The following CYP2R1 variants were observed in gnomAD, a reference collection of about 807,000 sequenced individuals.
CYP2R1 encodes the protein vitamin D 25-hydroxylase.
In CYP2R1, 40 loss-of-function variants were observed where a neutral mutation model predicts 45.7. The ratio of observed to expected loss-of-function variants is 0.87; its 90% confidence interval spans 0.68 to 1.14. The LOEUF is 1.14. Among genes scored for constraint, CYP2R1 ranks in the 50% most tolerant of loss-of-function variants. The pLI is 0.00. For synonymous variants in CYP2R1, 234 were observed against 219.3 expected, an observed-to-expected ratio of 1.07 and a Z score of -0.59; for missense variants, 605 against 602.6, an observed-to-expected ratio of 1.00 and a Z score of -0.04.
intron 1 of CYP2R1, chr11:14,891,716 A>C: frequency 1.6e-6 from 2 of 1,243,240 alleles, no homozygotes; most frequent in Non-Finnish European, 1.0e-6. Context: ...CTCGAGCGGT[A>C]GCGGGAAAAT....
chr11:14,891,796 G>A, intron 1 of CYP2R1, 185 bp downstream of exon 1: 6 of 1,410,324 alleles, frequency 4.3e-6, no homozygotes, highest in Non-Finnish European at 4.6e-6. Flanking sequence ...CCCCTGCAAG[G>A]GGGCACGGCG....
intron 2 of CYP2R1, among the ~76,000 whole-genome samples, chr11:14,884,960 G>A (rs1555013894): frequency 6.6e-6 from 1 of 151,642 alleles, no homozygotes; most frequent in Non-Finnish European, 1.5e-5. Flanking sequence ...TTATACTCTG[G>A]CCTGAGAATT....
intron 1 of CYP2R1, chr11:14,887,147 G>A (rs1269493806): frequency 6.6e-6 from 1 of 152,234 alleles, no homozygotes; most frequent in Non-Finnish European, 1.5e-5. Flanking sequence ...TCGCAGAAGG[G>A]AACTTTAGCA....
chr11:14,892,244 A>G (rs1555017521), upstream of CYP2R1: 7 of 1,578,900 alleles, frequency 4.4e-6, no homozygotes, highest in Middle Eastern at 2.3e-4. Flanking sequence ...AGCAGCCCTG[A>G]GACCCAGGCA....
At chr11:14,883,265 G>A (rs1176279619) in intron 2 of CYP2R1, among the ~76,000 whole-genome samples, 21 of 151,706 alleles carry the variant, frequency 1.4e-4, no homozygotes, top group African/African-American at 2.2e-4. Flanking sequence ...GAGGCATCAC[G>A]CTACCTGACT....
At position 14,878,143 on chromosome 11, in the gene CYP2R1, G is replaced by T; in HGVS notation, c.1485C>A (p.Leu495=). Residue 495 remains leucine, a synonymous_variant, in exon 5 of 5, where the codon CTC becomes CTA. Transcript: ENST00000334636. Reference sequence around the variant, plus strand: ...AGTTTCAGCGTCTTTCAGCACAGATGAGGTAGGGTTGGGGCTGCAATGTCA... The same window carrying T: ...AGTTTCAGCGTCTTTCAGCACAGATTAGGTAGGGTTGGGGCTGCAATGTCA... ...LGMTLQPQPY[L]ICAERR The T allele has an allele frequency of 3.1e-6, 5 of 1,613,156 alleles. No individual in the cohort carries two copies. Among genetic ancestry groups the T allele is most frequent in the Non-Finnish European group, 4.2e-6 (5 of 1,179,436 alleles).
chr11:14,889,489 G>A (rs1355828521), intron 1 of CYP2R1, among the ~76,000 whole-genome samples: 1 of 152,136 alleles, frequency 6.6e-6, no homozygotes, highest in Non-Finnish European at 1.5e-5. Flanking sequence ...GGCAAACAAT[G>A]TCTACTCTTT....
At chr11:14,889,894 C>T (rs1165092879) in intron 1 of CYP2R1, among the ~76,000 whole-genome samples, 4 of 151,970 alleles carry the variant, frequency 2.6e-5, no homozygotes, top group South Asian at 4.2e-4. Flanking sequence ...TTTGGGAGGC[C>T]GAGGCGGGCA....
intron 4 of CYP2R1, 134 bp downstream of exon 4, chr11:14,878,976 CTCCT>C (rs1267089303): frequency 1.4e-6 from 1 of 727,572 alleles, no homozygotes; most frequent in African/African-American, 1.8e-5. Flanking sequence ...TAATCATTCT[CTCCT>C]GTTAGAATCA....
At chr11:14,884,525 A>C in intron 2 of CYP2R1, among the ~76,000 whole-genome samples, 1 of 103,326 alleles carries the variant, frequency 9.7e-6, no homozygotes, top group South Asian at 3.8e-4. Context: ...CACTCTGGGG[A>C]CTGTTGTGGG....
At chr11:14,888,688 A>G (rs1993116) in intron 1 of CYP2R1, among the ~76,000 whole-genome samples, 98,818 of 152,022 alleles carry the variant, frequency 0.65, 32,547 homozygotes, top group African/African-American at 0.73. Flanking sequence ...TTCTGCCTGC[A>G]TGCTAAATTA....
chr11:14,888,026 G>A (rs1236797894), intron 1 of CYP2R1, among the ~76,000 whole-genome samples: 1 of 152,114 alleles, frequency 6.6e-6, no homozygotes, highest in Non-Finnish European at 1.5e-5. Context: ...AGTCTAGAAT[G>A]TTCTTCCTTT....
chr11:14,891,821 C>T, intron 1 of CYP2R1, 160 bp downstream of exon 1: 2 of 972,618 alleles, frequency 2.1e-6, no homozygotes, highest in Non-Finnish European at 2.4e-6. Context: ...GGACTTCTCC[C>T]TTCCAGACCC....
rs1848287114 is a variant in CYP2R1, at chr11:14,879,417, T to A, written c.1027A>T (p.Ile343Phe). Reference protein sequence around the residue: ...QGQVQKEIDLIMGPNGKPSWD... With the variant: ...QGQVQKEIDLFMGPNGKPSWD... ...GAAGGCTTCCCATTAGGGCCCATAA[T>A]TAAATCAATCTCTTTCTGAACTTGT... is the stretch of plus-strand genomic sequence containing the variant. Residue 343 changes from isoleucine to phenylalanine, a missense_variant, in exon 4 of 5, where the codon ATT becomes TTT. Physicochemically the swap from Ile to Phe is conservative, Grantham distance 21 (BLOSUM62 0). Coordinates refer to ENST00000334636, the MANE Select transcript of CYP2R1 (RefSeq NM_024514.5). 7.5e-6 allele frequency: 12 copies of A among 1,604,504 alleles called. No individual in the cohort carries two copies. The highest frequency in any genetic ancestry group is 1.3e-5 in the African/African-American group (1 of 74,888).
At chr11:14,890,287 C>T in intron 1 of CYP2R1, 1 of 198,462 alleles carries the variant, frequency 5.0e-6, no homozygotes. Flanking sequence ...TAGTCTTATG[C>T]TTTCACATTT....
chr11:14,883,615 T>A (rs547058134), intron 2 of CYP2R1, among the ~76,000 whole-genome samples: 2 of 152,094 alleles, frequency 1.3e-5, no homozygotes, highest in African/African-American at 2.4e-5. Flanking sequence ...ATTCAGGAGA[T>A]AGGCATGGGC....
rs782372996 is a variant in CYP2R1 at position 14,885,735 on chromosome 11, A to G, written c.367+41T>C. On this transcript the variant is annotated intron_variant, in intron 2 of 4. Transcript: ENST00000334636. The stretch of plus-strand genomic sequence containing the variant: ...ACTTAAAATAAGGAATGTGATTTAA[A>G]ATATCTTAGTAAATCACTAAATAGG... 1.1e-5 allele frequency: 17 copies of G among 1,590,892 alleles called. No individual in the cohort carries two copies. The Admixed American group carries it at 2.7e-4, about 25-fold the overall frequency.
At chr11:14,890,738 T>C (rs1302513290) in intron 1 of CYP2R1, among the ~76,000 whole-genome samples, 4 of 151,904 alleles carry the variant, frequency 2.6e-5, no homozygotes, top group Admixed American at 1.3e-4. Context: ...TTAGTAGAGA[T>C]GGGGTTTCAC....
At chr11:14,884,359 T>C (rs567237554) in intron 2 of CYP2R1, among the ~76,000 whole-genome samples, 1 of 151,458 alleles carries the variant, frequency 6.6e-6, no homozygotes, top group East Asian at 2.1e-4. Flanking sequence ...CCATAAAAAA[T>C]AATGAGTTCA....
Sources: allele counts gnomAD v4.1 joint callset (sites outside exome capture counted in the v4.1 genomes callset), GRCh38; gene constraint gnomAD v4.1.1; transcripts MANE v1.5; gene names NCBI Gene and HGNC (gene_info 2026-07-23, HGNC 2026-07-21).